The following AUTS2 variants were observed in gnomAD, a reference collection of about 807,000 sequenced individuals.
AUTS2 encodes the protein autism susceptibility gene 2 protein.
In AUTS2, 17 loss-of-function variants were observed where a neutral mutation model predicts 112.4. The observed-to-expected ratio is 0.15, with a 90% CI of 0.10 to 0.23. The LOEUF (loss-of-function observed/expected upper bound fraction) is 0.23. AUTS2 is among the 10% of genes least tolerant of loss of function. AUTS2 has a pLI of 1.00. For synonymous variants in AUTS2, 751 were observed against 702.7 expected, an observed-to-expected ratio of 1.07 and a Z score of -1.09; for missense variants, 1,510 against 1,701.6, an observed-to-expected ratio of 0.89 and a Z score of 1.98.
At chr7:70,234,838 G>A (rs1447963179) in intron 4 of AUTS2, among the ~76,000 whole-genome samples, 2 of 152,058 alleles carry the variant, frequency 1.3e-5, no homozygotes, top group Non-Finnish European at 2.9e-5. Context: ...GATCTTCACC[G>A]AGTAATTTGG....
intron 1 of AUTS2, among the ~76,000 whole-genome samples, chr7:69,878,777 CCT>C (rs1169440222): frequency 6.6e-6 from 1 of 152,114 alleles, no homozygotes; most frequent in Non-Finnish European, 1.5e-5. Flanking sequence ...ACTAATTTAC[CCT>C]GAGTGTGTGT....
intron 5 of AUTS2, among the ~76,000 whole-genome samples, chr7:70,590,815 A>T (rs1291359450): frequency 6.6e-6 from 1 of 152,194 alleles, no homozygotes; most frequent in South Asian, 2.1e-4. Context: ...AAACTCTCCC[A>T]ATAAGCAAAA....
intron 5 of AUTS2, among the ~76,000 whole-genome samples, chr7:70,594,695 T>C (rs1210040476): frequency 2.0e-5 from 3 of 152,178 alleles, no homozygotes; most frequent in Non-Finnish European, 2.9e-5. Flanking sequence ...GGGCGGAGGT[T>C]GCAAAGGCCA....
At chr7:70,054,135 T>C (rs970355901) in intron 2 of AUTS2, among the ~76,000 whole-genome samples, 3 of 152,202 alleles carry the variant, frequency 2.0e-5, no homozygotes, top group Non-Finnish European at 4.4e-5. Context: ...ATGTGGCTAG[T>C]GTGATCCTAA....
At chr7:69,670,208 A>G (rs1796252321) in intron 1 of AUTS2, among the ~76,000 whole-genome samples, 1 of 152,186 alleles carries the variant, frequency 6.6e-6, no homozygotes, top group Admixed American at 6.5e-5. Flanking sequence ...TGACCTTTTC[A>G]TGCACAGCAT....
chr7:69,997,949 G>A (rs1384815180), intron 2 of AUTS2, among the ~76,000 whole-genome samples: 2 of 152,174 alleles, frequency 1.3e-5, no homozygotes, highest in Non-Finnish European at 1.5e-5. Context: ...AAACCCAGGT[G>A]TGCTTTGAAT....
intron 1 of AUTS2, among the ~76,000 whole-genome samples, chr7:69,882,708 T>C (rs549550516): frequency 6.6e-6 from 1 of 152,330 alleles, no homozygotes; most frequent in Admixed American, 6.5e-5. Flanking sequence ...CTCCATTTTA[T>C]ATATGAGAAA....
chr7:69,824,111 A>T (rs1357060135), intron 1 of AUTS2, among the ~76,000 whole-genome samples: 1 of 151,960 alleles, frequency 6.6e-6, no homozygotes, highest in Non-Finnish European at 1.5e-5. Flanking sequence ...CTCAAATTAT[A>T]GCTATTAATA....
At chr7:70,750,337 T>C (rs1435516119) in intron 6 of AUTS2, among the ~76,000 whole-genome samples, 2 of 150,980 alleles carry the variant, frequency 1.3e-5, no homozygotes, top group East Asian at 2.0e-4. Flanking sequence ...AGTCTTTTTT[T>C]TTTTTAAACA....
At chr7:70,641,934 GT>G (rs1805853803) in intron 5 of AUTS2, among the ~76,000 whole-genome samples, 1 of 152,146 alleles carries the variant, frequency 6.6e-6, no homozygotes, top group Non-Finnish European at 1.5e-5. Context: ...CATTCCCCTA[GT>G]ATCAGATAGC....
chr7:69,823,744 C>G (rs1791108364), intron 1 of AUTS2, among the ~76,000 whole-genome samples: 1 of 151,286 alleles, frequency 6.6e-6, no homozygotes, highest in Admixed American at 6.6e-5. Context: ...TTACTGAATA[C>G]AGGAAAAAAT....
At chr7:70,196,038 T>A (rs536305236) in intron 4 of AUTS2, among the ~76,000 whole-genome samples, 19 of 152,348 alleles carry the variant, frequency 1.2e-4, no homozygotes, top group African/African-American at 4.3e-4. Flanking sequence ...AATGAAGGTA[T>A]GGCAGCAGGA....
intron 2 of AUTS2, among the ~76,000 whole-genome samples, chr7:69,979,342 C>A (rs1798196183): frequency 6.6e-6 from 1 of 152,178 alleles, no homozygotes; most frequent in Non-Finnish European, 1.5e-5. Context: ...TCTTTCTATC[C>A]TGTACTTTTT....
intron 5 of AUTS2, among the ~76,000 whole-genome samples, chr7:70,498,750 G>T (rs1277273508): frequency 1.3e-5 from 2 of 152,136 alleles, no homozygotes; most frequent in African/African-American, 4.8e-5. Context: ...CTTGGTAGGG[G>T]AACACCAGAA....
At chr7:70,121,027 GC>G in intron 3 of AUTS2, among the ~76,000 whole-genome samples, 1 of 152,146 alleles carries the variant, frequency 6.6e-6, no homozygotes, top group Non-Finnish European at 1.5e-5. Context: ...AGAATGGAGA[GC>G]CCAGAAGGGA....
intron 2 of AUTS2, among the ~76,000 whole-genome samples, chr7:70,063,745 C>T (rs571319832): frequency 2.6e-5 from 4 of 152,210 alleles, no homozygotes; most frequent in Non-Finnish European, 4.4e-5. Context: ...AAAAGAACAC[C>T]GCGAAAAGAG....
chr7:70,357,394 A>C (rs767633537), intron 4 of AUTS2, among the ~76,000 whole-genome samples: 90 of 152,326 alleles, frequency 5.9e-4, no homozygotes, highest in Non-Finnish European at 1.1e-3. Flanking sequence ...GAGCCATTTA[A>C]AACCTATAAT....
intron 4 of AUTS2, among the ~76,000 whole-genome samples, chr7:70,359,462 C>G (rs770952839): frequency 6.6e-6 from 1 of 152,100 alleles, no homozygotes; most frequent in Admixed American, 6.5e-5. Flanking sequence ...CTAGGAAGTT[C>G]AAGGGGCGTG....
At chr7:69,672,777 G>A (rs1452667440) in intron 1 of AUTS2, among the ~76,000 whole-genome samples, 2 of 152,218 alleles carry the variant, frequency 1.3e-5, no homozygotes, top group Non-Finnish European at 2.9e-5. Context: ...TGAGAGTTCA[G>A]TGTCTTCCCT....
Sources: allele counts gnomAD v4.1 joint callset (sites outside exome capture counted in the v4.1 genomes callset), GRCh38; gene constraint gnomAD v4.1.1; transcripts MANE v1.5; gene names NCBI Gene and HGNC (gene_info 2026-07-23, HGNC 2026-07-21).